TGFBR2: variants seen among roughly 807,000 people sequenced by gnomAD.
The protein encoded by TGFBR2 is transforming growth factor beta receptor 2, also known as TGF-beta receptor type-2.
In TGFBR2, 18 loss-of-function variants were observed where a neutral mutation model predicts 49.0. That is an observed-to-expected ratio of 0.37 (90% CI 0.25 to 0.54). The LOEUF (loss-of-function observed/expected upper bound fraction) is 0.54. Ranked by LOEUF, TGFBR2 falls within the 20% of genes least tolerant of loss-of-function variation. The pLI is 0.85. For synonymous variants in TGFBR2, 282 were observed against 275.9 expected (o/e 1.02, Z -0.22); for missense variants, 525 against 722.6 (o/e 0.73, Z 3.13).
Position 30,688,460 on chromosome 3 carries a change from G to T in TGFBR2, c.1473G>T (p.Val491=). The change falls in exon 6 of 7, where the codon GTG becomes GTT. Residue 491 remains valine (V), a synonymous_variant. Transcript: ENST00000295754. ...HPCVESMKDN[V]LRDRGRPEIP... ...GTGTCGAAAGCATGAAGGACAACGT[G>T]TTGAGAGATCGAGGGCGACCAGAAA... The T allele has an allele frequency of 6.2e-7, 1 of 1,614,236 alleles. No homozygotes were observed. Among genetic ancestry groups the T allele is most frequent in the African/African-American group, 1.3e-5 (1 of 75,070 alleles).
intron 1 of TGFBR2, among the ~76,000 whole-genome samples, chr3:30,631,036 CT>C (rs34649868): frequency 0.22 from 26,500 of 120,790 alleles, 2,875 homozygotes; most frequent in East Asian, 0.27. Flanking sequence ...AAGGAGTAGC[CT>C]TTTTTTTTTT....
At chr3:30,627,030 G>A (rs1471315472) in intron 1 of TGFBR2, among the ~76,000 whole-genome samples, 1 of 152,154 alleles carries the variant, frequency 6.6e-6, no homozygotes, top group African/African-American at 2.4e-5. Flanking sequence ...GCAAAGCCAG[G>A]AGTTTGTGAT....
intron 1 of TGFBR2, among the ~76,000 whole-genome samples, chr3:30,640,162 G>C (rs1698618572): frequency 6.6e-6 from 1 of 152,158 alleles, no homozygotes; most frequent in South Asian, 2.1e-4. Flanking sequence ...TATTACTCAT[G>C]GGCTTATTTG....
intron 5 of TGFBR2, among the ~76,000 whole-genome samples, chr3:30,682,458 G>A (rs1291567977): frequency 3.9e-5 from 6 of 152,070 alleles, no homozygotes; most frequent in Admixed American, 2.6e-4. Context: ...TCTTGTTATA[G>A]GTTAGCCAGG....
At chr3:30,657,685 A>C (rs999089007) in intron 3 of TGFBR2, among the ~76,000 whole-genome samples, 1 of 152,166 alleles carries the variant, frequency 6.6e-6, no homozygotes, top group African/African-American at 2.4e-5. Context: ...ACTAGATTCA[A>C]ATTTCTTATC....
chr3:30,631,420 A>G (rs989319674), intron 1 of TGFBR2, among the ~76,000 whole-genome samples: 1 of 152,118 alleles, frequency 6.6e-6, no homozygotes, highest in African/African-American at 2.4e-5. Flanking sequence ...TATGATGTTT[A>G]CTGCAAATTG....
rs771870454 is a variant in TGFBR2, at chr3:30,679,041, C to T, written c.1396+4795C>T. On this transcript the variant is annotated intron_variant, in intron 5 of 6. Transcript: ENST00000295754. Reference sequence around the variant, plus strand: ...TATTAAGGCTCCAAGCTCACCTCCACGCCACATTCTCATTCTGTGTTCATC... The same window carrying T: ...TATTAAGGCTCCAAGCTCACCTCCATGCCACATTCTCATTCTGTGTTCATC... Among the ~76,000 whole-genome samples, 48 of 152,294 alleles carry T rather than the reference C, an allele frequency of 3.2e-4. No homozygotes were observed. The Middle Eastern group carries it at 0.01, about 32-fold the overall frequency.
chr3:30,651,075 A>T (rs1698875321), intron 3 of TGFBR2, among the ~76,000 whole-genome samples: 1 of 152,214 alleles, frequency 6.6e-6, no homozygotes, highest in African/African-American at 2.4e-5. Flanking sequence ...AGTAGATTAG[A>T]TACTAGCCTC....
intron 3 of TGFBR2, 83 bp downstream of exon 3, chr3:30,650,543 A>G (rs1698864230): frequency 7.0e-7 from 1 of 1,422,502 alleles, no homozygotes; most frequent in Non-Finnish European, 9.9e-7. Context: ...CATAGAGCAC[A>G]TTCCTCCTGT....
chr3:30,689,176 T>C (rs79151998), intron 6 of TGFBR2, among the ~76,000 whole-genome samples: 379 of 152,286 alleles, frequency 2.5e-3, no homozygotes, highest in African/African-American at 8.9e-3. Context: ...GCTAAGGCTG[T>C]CCATAGCAGG....
chr3:30,644,130 C>G lies in TGFBR2; in HGVS notation c.95-617C>G, dbSNP rs193280833. 3.3e-3 allele frequency among the ~76,000 whole-genome samples: 498 copies of G among 152,308 alleles called. 2 individuals are homozygous for G. Among genetic ancestry groups the G allele is most frequent in the Non-Finnish European group, 4.6e-3 (310 of 68,030 alleles). On this transcript the variant is annotated intron_variant, in intron 1 of 6. Transcript: ENST00000295754. ...ATTTGCCTCAAACACAGAGAGAGAT[C>G]AGTAGAACTAGTCCCTTGAAAAGAA...
rs948776720 is a variant in TGFBR2, at chr3:30,672,737, G to A, written c.1254+300G>A. Among the ~76,000 whole-genome samples the A allele has an allele frequency of 6.6e-6, 1 of 152,116 alleles. No homozygotes were observed. Among genetic ancestry groups the A allele is most frequent in the Non-Finnish European group, 1.5e-5 (1 of 68,032 alleles). ...ATGTTTTTTCTTTGTTTCAAGCACT[G>A]TTAGTACTTTACCTCTATTTTTTCC... On this transcript the variant is annotated intron_variant, in intron 4 of 6. Coordinates refer to ENST00000295754, the MANE Select transcript of TGFBR2 (RefSeq NM_003242.6). The surrounding 1 kb of genome is among the most constrained non-coding windows in gnomAD (Gnocchi z 4.5).
intron 1 of TGFBR2, among the ~76,000 whole-genome samples, chr3:30,638,754 T>C (rs1262262196): frequency 5.9e-5 from 9 of 152,230 alleles, no homozygotes; most frequent in Non-Finnish European, 1.3e-4. Flanking sequence ...ATGTCTTTCC[T>C]GAAGAATTAT....
In TGFBR2 at chr3:30,693,308, G is replaced by A. The variant is rs149862574; in HGVS notation, c.*1709G>A. ...AGAGGATTTGAATGTGGGACACAAA[G>A]GTCCCATTTGCAGTTAGAAAATTTG... On this transcript the variant is annotated 3_prime_UTR_variant, in exon 7 of 7. Coordinates refer to ENST00000295754, the MANE Select transcript of TGFBR2 (RefSeq NM_003242.6). The A allele has an allele frequency of 8.6e-6, 2 of 233,768 alleles. No individual in the cohort carries two copies. Among genetic ancestry groups the A allele is most frequent in the African/African-American group, 4.4e-5 (2 of 45,464 alleles). 14.5% of individuals were successfully genotyped at this position (233,768 alleles called of 1,614,324 possible).
At chr3:30,659,777 TCC>T (rs1699081943) in intron 3 of TGFBR2, among the ~76,000 whole-genome samples, 2 of 151,778 alleles carry the variant, frequency 1.3e-5, no homozygotes, top group African/African-American at 2.4e-5. Flanking sequence ...CTCAGGTCTC[TCC>T]CACTGCGGCC....
intron 1 of TGFBR2, among the ~76,000 whole-genome samples, chr3:30,634,334 T>C (rs902808147): frequency 2.0e-5 from 3 of 152,222 alleles, no homozygotes; most frequent in African/African-American, 7.2e-5. Context: ...AGATAAAGAA[T>C]TGTTTAAATC....
chr3:30,618,534 C>G (rs148555084), intron 1 of TGFBR2, among the ~76,000 whole-genome samples: 31 of 150,710 alleles, frequency 2.1e-4, no homozygotes, highest in Middle Eastern at 7.1e-3. Context: ...TCGTGTCCGG[C>G]CCCAAGGACC....
rs1699750465 is a variant in TGFBR2, at chr3:30,693,681, C to G, written c.*2082C>G. On this transcript the variant is annotated 3_prime_UTR_variant, in exon 7 of 7. Coordinates refer to ENST00000295754, the MANE Select transcript of TGFBR2 (RefSeq NM_003242.6). ...ACTTGCACCGTAGGGCATGCTGATA[C>G]CATCCCAATAGCTGTTGCCCATTGA... 1 of 233,700 alleles carries G rather than the reference C, an allele frequency of 4.3e-6. No homozygotes were observed. The allele number at this position is 233,700 out of a possible 1,614,324, so 14.5% of individuals were successfully genotyped here.
intron 1 of TGFBR2, among the ~76,000 whole-genome samples, chr3:30,631,621 CTTTTTTTT>C (rs71093918): frequency 1.7e-5 from 2 of 115,382 alleles, no homozygotes; most frequent in Non-Finnish European, 3.7e-5. Flanking sequence ...CAACTTCTTT[CTTTTTTTT>C]TTTTTTTTTT....
Sources: gnomAD v4.1 joint callset for allele counts (sites outside exome capture counted in the v4.1 genomes callset) on GRCh38, gnomAD v4.1.1 for gene constraint, Gnocchi (gnomAD v3.1) non-coding constraint, MANE v1.5 for transcripts, NCBI Gene and HGNC (gene_info 2026-07-23, HGNC 2026-07-21) for gene names.